NOS2: variants seen among roughly 807,000 people sequenced by gnomAD.
NOS2 encodes the protein nitric oxide synthase, inducible.
Under a neutral mutation model 136.0 loss-of-function variants are expected in NOS2, and 96 were observed. The observed-to-expected ratio is 0.71, with a 90% CI of 0.60 to 0.84. The LOEUF (loss-of-function observed/expected upper bound fraction) is 0.84. Among genes scored for constraint, NOS2 ranks in the 40% least tolerant of loss-of-function variants. NOS2 has a pLI of 0.00. For synonymous variants in NOS2, 539 were observed against 587.5 expected (o/e 0.92, Z 1.20); for missense variants, 1,237 against 1,496.9 (o/e 0.83, Z 2.87).
At chr17:27,787,555 A>T in intron 5 of NOS2, 123 bp downstream of exon 5, 1 of 780,230 alleles carries the variant, frequency 1.3e-6, no homozygotes, top group Non-Finnish European at 2.0e-6. Flanking sequence ...GCAAAATCAT[A>T]GTGATTTAAC....
At chr17:27,762,348 A>G (rs9906835) in intron 22 of NOS2, among the ~76,000 whole-genome samples, 63,878 of 152,074 alleles carry the variant, frequency 0.42, 13,591 homozygotes, top group South Asian at 0.59. Flanking sequence ...TAATCAATGC[A>G]GAATCTCCCC....
chr17:27,797,417 C>T (rs754175371), intron 2 of NOS2, among the ~76,000 whole-genome samples: 2 of 152,238 alleles, frequency 1.3e-5, no homozygotes, highest in African/African-American at 2.4e-5. Context: ...CATTGTTACC[C>T]TCTTCTTATA....
At chr17:27,774,539 C>T (rs1419969196) in intron 11 of NOS2, 88 bp from the exon 12 acceptor site, 1 of 963,452 alleles carries the variant, frequency 1.0e-6, no homozygotes, top group Non-Finnish European at 1.5e-6. Context: ...CAGAGAGTGC[C>T]TGGGAAGGCC....
At position 27,791,775 on chromosome 17, in the gene NOS2, AAC is replaced by A. The variant is rs1176170894; in HGVS notation, c.111-2089_111-2088del. ...AGACTGGTGTGGCCTGCCAGAAAAA[AAC>A]AAAACAAAACAAAACAAAACAAAAC... On this transcript the variant is annotated intron_variant, in intron 2 of 26. Transcript: ENST00000313735. Among the ~76,000 whole-genome samples, 1,146 of 129,098 alleles carry A rather than the reference AAC, an allele frequency of 8.9e-3. 88 individuals carry two copies. Among genetic ancestry groups the A allele is most frequent in the African/African-American group, 0.037 (1,082 of 29,398 alleles). The allele number at this position is 129,098 out of a possible 152,430, so 84.7% of individuals were successfully genotyped here.
intron 2 of NOS2, among the ~76,000 whole-genome samples, chr17:27,791,896 G>A (rs1267054569): frequency 6.6e-6 from 1 of 152,060 alleles, no homozygotes; most frequent in Non-Finnish European, 1.5e-5. Flanking sequence ...GAAGATGTAT[G>A]GGGGATGGGG....
intron 2 of NOS2, among the ~76,000 whole-genome samples, chr17:27,798,093 C>T (rs1319735302): frequency 6.6e-6 from 1 of 152,082 alleles, no homozygotes; most frequent in East Asian, 1.9e-4. Flanking sequence ...TGTGTGGGCA[C>T]AGTGCTGAGT....
At chr17:27,779,079 T>C (rs1908757159) in intron 9 of NOS2, 23 bp from the exon 10 acceptor site, 1 of 1,418,796 alleles carries the variant, frequency 7.0e-7, no homozygotes, top group Non-Finnish European at 9.3e-7. Context: ...TAGACACAAT[T>C]TAACTGGGGC....
chr17:27,767,557 A>C (rs565165621), intron 18 of NOS2, 148 bp downstream of exon 18: 54 of 910,296 alleles, frequency 5.9e-5, no homozygotes, highest in Non-Finnish European at 7.7e-5. Context: ...CTTGAGTATT[A>C]TGCCCTAACA....
intron 2 of NOS2, among the ~76,000 whole-genome samples, 178 bp downstream of exon 2, chr17:27,798,522 C>A (rs1352526019): frequency 1.3e-5 from 2 of 152,198 alleles, no homozygotes; most frequent in Non-Finnish European, 1.5e-5. Flanking sequence ...TCAGGCACAG[C>A]GAGGTGCCCA....
rs28999401 is a variant in NOS2, at chr17:27,773,441, C to T, written c.1477-198G>A. Among the ~76,000 whole-genome samples the T allele has an allele frequency of 1.5e-3, 233 of 152,336 alleles. 1 individual carries two copies. Among genetic ancestry groups the T allele is most frequent in the Non-Finnish European group, 2.7e-3 (187 of 68,036 alleles). On this transcript the variant is annotated intron_variant, in intron 12 of 26. Transcript: ENST00000313735. ...CCCCCAGAGTTGCCTCTCCACTGCC[C>T]GGCATGGAGCCTGCACATCGAGGGG...
chr17:27,765,515 C>A lies in NOS2; in HGVS notation c.2428+20G>T. On this transcript the variant is annotated intron_variant, in intron 20 of 26. Coordinates refer to ENST00000313735, the MANE Select transcript of NOS2 (RefSeq NM_000625.4). ...GCCAGAGGGTGCCAGGCAGCACTGGCTTTCTAGCCCGGGGCTCACCACTCT... is the reference window on the plus strand; with the variant it reads ...GCCAGAGGGTGCCAGGCAGCACTGGATTTCTAGCCCGGGGCTCACCACTCT... The A allele has an allele frequency of 6.4e-7, 1 of 1,567,860 alleles. No individual in the cohort carries two copies. Among genetic ancestry groups the A allele is most frequent in the Non-Finnish European group, 8.6e-7 (1 of 1,158,084 alleles).
chr17:27,778,681 C>T lies in NOS2; in HGVS notation c.1281+9G>A, dbSNP rs767341571. 43 of 1,610,876 alleles carry T rather than the reference C, an allele frequency of 2.7e-5. No homozygotes were observed. Among genetic ancestry groups the T allele is most frequent in the Middle Eastern group, 3.3e-4 (2 of 6,080 alleles). ...AAAAGTCTTCAGACTCACAAAACTC[C>T]AGACATACCTGGAAACTATGGAGCA... On this transcript the variant is annotated intron_variant, in intron 11 of 26. Transcript: ENST00000313735.
At position 27,783,932 on chromosome 17, in the gene NOS2, C is replaced by A. The variant is rs190593550; in HGVS notation, c.468-826G>T. ...CAAGCCAGGACTGGGACCTGGCTATCGGAGCTCAGTCTGCAGGGTCCCAGG... is the reference window on the plus strand; with the variant it reads ...CAAGCCAGGACTGGGACCTGGCTATAGGAGCTCAGTCTGCAGGGTCCCAGG... On this transcript the variant is annotated intron_variant, in intron 5 of 26. Coordinates refer to ENST00000313735, the MANE Select transcript of NOS2 (RefSeq NM_000625.4). Among the ~76,000 whole-genome samples the A allele has an allele frequency of 7.6e-4, 115 of 152,254 alleles. 1 individual carries two copies. The highest frequency in any genetic ancestry group is 2.3e-3 in the South Asian group (11 of 4,802).
rs536838900 is a variant in NOS2, at chr17:27,787,267, A to G, written c.467+411T>C. Among the ~76,000 whole-genome samples the G allele has an allele frequency of 1.2e-4, 19 of 152,230 alleles. No homozygotes were observed. The South Asian group carries it at 3.7e-3, about 30-fold the overall frequency. On this transcript the variant is annotated intron_variant, in intron 5 of 26. Coordinates refer to ENST00000313735, the MANE Select transcript of NOS2 (RefSeq NM_000625.4). The stretch of plus-strand genomic sequence containing the variant: ...ATTAAAGGGTCCATATTAATTCACA[A>G]TCAAGGTCTCTGGATGCCAGGACAC...
At chr17:27,776,297 C>T (rs1433248055) in intron 11 of NOS2, among the ~76,000 whole-genome samples, 2 of 152,160 alleles carry the variant, frequency 1.3e-5, no homozygotes, top group Non-Finnish European at 2.9e-5. Flanking sequence ...AGTCCGGCCA[C>T]CACTCTTGTG....
chr17:27,799,010 AC>A, intron 1 of NOS2, 128 bp from the exon 2 acceptor site: 1 of 587,688 alleles, frequency 1.7e-6, no homozygotes, highest in Non-Finnish European at 3.0e-6. Context: ...ATGCTTTGCA[AC>A]CTCTGTCTCT....
Position 27,757,233 on chromosome 17 carries a change from CT to C in NOS2, c.*12del. On this transcript the variant is annotated 3_prime_UTR_variant, in exon 27 of 27. Transcript: ENST00000313735. The stretch of plus-strand genomic sequence containing the variant: ...AGTTCTGTGCCGGCAGCTTTAACCC[CT>C]CCTGTAGGCCCTCAGAGCGCTGACA... The C allele has an allele frequency of 1.9e-6, 3 of 1,611,100 alleles. No individual in the cohort carries two copies. Among genetic ancestry groups the C allele is most frequent in the Non-Finnish European group, 2.5e-6 (3 of 1,177,784 alleles).
intron 11 of NOS2, 131 bp downstream of exon 11, chr17:27,778,559 G>A (rs774072308): frequency 9.8e-6 from 7 of 712,002 alleles, no homozygotes; most frequent in Admixed American, 4.1e-5. Context: ...CTTGGGAGGT[G>A]AGGAGCTGCC....
chr17:27,793,533 C>G (rs1415227374), intron 2 of NOS2: 4 of 396,352 alleles, frequency 1.0e-5, no homozygotes, highest in African/African-American at 8.2e-5. Context: ...GGGGCCCCGC[C>G]CGGGCTCGGA....
Sources: allele counts gnomAD v4.1 joint callset (sites outside exome capture counted in the v4.1 genomes callset), GRCh38; gene constraint gnomAD v4.1.1; transcripts MANE v1.5; gene names NCBI Gene and HGNC (gene_info 2026-07-23, HGNC 2026-07-21).